AGO2: variants seen among roughly 807,000 people sequenced by gnomAD.
AGO2 encodes protein argonaute-2.
Under a neutral mutation model 102.3 loss-of-function variants are expected in AGO2, and 5 were observed. The ratio of observed to expected loss-of-function variants is 0.05; its 90% confidence interval spans 0.03 to 0.10. The LOEUF (loss-of-function observed/expected upper bound fraction) is 0.10. AGO2 is among the 10% of genes least tolerant of loss of function. The pLI, the probability that AGO2 is intolerant of heterozygous loss-of-function variation, is 1.00. For synonymous variants in AGO2, 449 were observed against 473.1 expected (o/e 0.95, Z 0.66); for missense variants, 541 against 1,183.7 (o/e 0.46, Z 7.97).
chr8:140,547,603 G>A lies in AGO2; in HGVS notation c.1613C>T (p.Thr538Met), dbSNP rs1431074938. 6.2e-7 allele frequency: 1 copy of A among 1,613,726 alleles called. No individual in the cohort carries two copies. Among genetic ancestry groups the A allele is most frequent in the Non-Finnish European group, 8.5e-7 (1 of 1,179,808 alleles). The change falls in exon 13 of 19, where the codon ACG (threonine) becomes ATG (methionine). Residue 538 changes from threonine (T) to methionine (M), a missense_variant. Thr to Met is a moderately conservative substitution (Grantham distance 81). Transcript: ENST00000220592. ...GCACTGCGTGGCCATCCCCAGCACC[G>A]TGTCTCCCACGCGCTTGACCTCGGC... The part of the protein sequence containing the change: ...VYAEVKRVGD[T>M]VLGMATQCVQ...
rs1223128708 is a variant in AGO2 at position 140,532,026 on chromosome 8, G to A, written c.*18C>T. The A allele has an allele frequency of 1.9e-6, 3 of 1,610,830 alleles. No homozygotes were observed. The highest frequency in any genetic ancestry group is 2.2e-5 in the East Asian group (1 of 44,834). On this transcript the variant is annotated 3_prime_UTR_variant, in exon 19 of 19. Transcript: ENST00000220592. ...CGTGAATCCCACTCGGTACACAATCGCTAAACACTAAAACATGTCAAGCAA... is the reference window on the plus strand; with the variant it reads ...CGTGAATCCCACTCGGTACACAATCACTAAACACTAAAACATGTCAAGCAA...
intron 1 of AGO2, among the ~76,000 whole-genome samples, chr8:140,588,483 A>G (rs1246480212): frequency 6.6e-6 from 1 of 151,936 alleles, no homozygotes. Flanking sequence ...ATGCTGACAG[A>G]GACACTAAGT....
At chr8:140,556,051 G>T in intron 9 of AGO2, 33 bp from the exon 10 acceptor site, 1 of 1,612,884 alleles carries the variant, frequency 6.2e-7, no homozygotes, top group Non-Finnish European at 8.5e-7. Context: ...CGCACGGAGT[G>T]GGTGGAGGCC....
chr8:140,577,226 AAAG>A (rs2073480798), intron 2 of AGO2, among the ~76,000 whole-genome samples: 1 of 151,308 alleles, frequency 6.6e-6, no homozygotes, highest in Admixed American at 6.6e-5. Context: ...AAAAAAAAAA[AAAG>A]AAACATGCCT....
At chr8:140,546,743 T>C (rs1306909327) in intron 13 of AGO2, among the ~76,000 whole-genome samples, 2 of 152,256 alleles carry the variant, frequency 1.3e-5, no homozygotes, top group Admixed American at 1.3e-4. Context: ...TCTCCGTTGT[T>C]GTCGTCCAAA....
At position 140,530,576 on chromosome 8, in the gene AGO2, G is replaced by A. The variant is rs1012936154; in HGVS notation, c.*1468C>T. ...CTGTTGTTAGCCTTCAAAATCGTCC[G>A]TGGTGTCACTCTTAGTGCAACAGTT... On this transcript the variant is annotated 3_prime_UTR_variant, in exon 19 of 19. Coordinates refer to ENST00000220592, the MANE Select transcript of AGO2 (RefSeq NM_012154.5). 1 of 152,294 alleles carries A rather than the reference G, an allele frequency of 6.6e-6. No homozygotes were observed. The highest frequency in any genetic ancestry group is 1.5e-5 in the Non-Finnish European group (1 of 68,076). 9.4% of individuals were successfully genotyped at this position (152,294 alleles called of 1,614,324 possible). A position where few individuals can be genotyped will look rare whatever the true frequency, so the allele number is the denominator to read the frequency against.
At chr8:140,620,924 T>C (rs1262199201) in intron 1 of AGO2, among the ~76,000 whole-genome samples, 2 of 152,112 alleles carry the variant, frequency 1.3e-5, no homozygotes, top group Admixed American at 1.3e-4. Flanking sequence ...CCTTTTCTTT[T>C]TAAAAAAGAG....
At chr8:140,587,492 C>T (rs1451205142) in intron 1 of AGO2, among the ~76,000 whole-genome samples, 1 of 152,230 alleles carries the variant, frequency 6.6e-6, no homozygotes, top group Non-Finnish European at 1.5e-5. Flanking sequence ...CTGAAATCCA[C>T]TCTGATCACT....
chr8:140,537,727 C>CT lies in AGO2; in HGVS notation c.2169+1592dup, dbSNP rs199723468. Among the ~76,000 whole-genome samples the CT allele has an allele frequency of 5.5e-3, 836 of 151,918 alleles. 5 individuals are homozygous for CT. Among genetic ancestry groups the CT allele is most frequent in the South Asian group, 0.013 (61 of 4,808 alleles). ...TAAAATGCTGTTAGTTTTTGCTTTA[C>CT]TTTTTTTTTCTTTACATAATTTGGT... On this transcript the variant is annotated intron_variant, in intron 16 of 18. Transcript: ENST00000220592.
At chr8:140,533,305 C>T (rs1564070755) in intron 17 of AGO2, among the ~76,000 whole-genome samples, 2 of 149,182 alleles carry the variant, frequency 1.3e-5, no homozygotes, top group East Asian at 2.0e-4. Flanking sequence ...CAGAGAATGG[C>T]ATGAACCTGG....
At position 140,531,418 on chromosome 8, in the gene AGO2, C is replaced by T. The variant is rs1306312054; in HGVS notation, c.*626G>A. ...CTGGAAATGCTGTAAACACACGGGG[C>T]CCACCTTCTGCCACTGCTCCTTAGT... On this transcript the variant is annotated 3_prime_UTR_variant, in exon 19 of 19. Transcript: ENST00000220592. 6.6e-6 allele frequency: 1 copy of T among 152,652 alleles called. No individual in the cohort carries two copies. The highest frequency in any genetic ancestry group is 1.5e-5 in the Non-Finnish European group (1 of 68,110). The allele number at this position is 152,652 out of a possible 1,614,324, so 9.5% of individuals were successfully genotyped here.
intron 1 of AGO2, among the ~76,000 whole-genome samples, chr8:140,586,354 G>C (rs533778550): frequency 6.6e-6 from 1 of 152,196 alleles, no homozygotes; most frequent in Non-Finnish European, 1.5e-5. Context: ...TTATCTGGAT[G>C]TGGTGGCACG....
At position 140,522,021 on chromosome 8, in the gene AGO2, CA is replaced by C. The variant is rs1318147014; in HGVS notation, c.*10022del. 13 of 150,568 alleles carry C rather than the reference CA, an allele frequency of 8.6e-5. No individual in the cohort carries two copies. Among genetic ancestry groups the C allele is most frequent in the African/African-American group, 3.2e-4 (13 of 40,816 alleles). The allele number at this position is 150,568 out of a possible 1,614,324, so 9.3% of individuals were successfully genotyped here. On this transcript the variant is annotated 3_prime_UTR_variant, in exon 19 of 19. Transcript: ENST00000220592. ...TTGGACATTTTTTTTTTTCTTTTCA[CA>C]GGGGGGCAGTCGGGATTATAATACA...
intron 1 of AGO2, among the ~76,000 whole-genome samples, chr8:140,587,150 C>A (rs1050623677): frequency 2.6e-5 from 4 of 152,182 alleles, no homozygotes; most frequent in African/African-American, 9.7e-5. Context: ...TCCTAAGAAG[C>A]CTTCCCCGAG....
intron 17 of AGO2, 55 bp downstream of exon 17, chr8:140,535,413 G>A: frequency 6.4e-7 from 1 of 1,563,170 alleles, no homozygotes; most frequent in Middle Eastern, 1.7e-4. Context: ...TGCTGAATGT[G>A]GGGATGACAC....
intron 1 of AGO2, among the ~76,000 whole-genome samples, chr8:140,607,039 C>T (rs901049043): frequency 1.3e-5 from 2 of 151,858 alleles, no homozygotes; most frequent in African/African-American, 2.4e-5. Context: ...CACCTGAGGT[C>T]GGGAGTTGGA....
intron 17 of AGO2, among the ~76,000 whole-genome samples, chr8:140,533,320 C>T (rs1235762367): frequency 7.1e-6 from 1 of 141,586 alleles, no homozygotes; most frequent in Non-Finnish European, 1.5e-5. Context: ...ACCTGGGAGG[C>T]AGAGCTTGCA....
intron 1 of AGO2, among the ~76,000 whole-genome samples, chr8:140,595,850 AT>A (rs1564106904): frequency 7.3e-5 from 2 of 27,532 alleles, no homozygotes; most frequent in African/African-American, 4.1e-4. Context: ...TATATATTAT[AT>A]TTATATTATA....
At chr8:140,549,388 T>C in intron 11 of AGO2, 90 bp from the exon 12 acceptor site, 1 of 1,353,628 alleles carries the variant, frequency 7.4e-7, no homozygotes, top group South Asian at 1.5e-5. Context: ...GCGTCATTTT[T>C]ACAAAGCCCA....
Sources: allele counts gnomAD v4.1 joint callset (sites outside exome capture counted in the v4.1 genomes callset), GRCh38; gene constraint gnomAD v4.1.1; transcripts MANE v1.5; gene names NCBI Gene and HGNC (gene_info 2026-07-23, HGNC 2026-07-21).